Variants in PRDM16 observed in about 807,000 individuals in gnomAD.
PRDM16 encodes histone-lysine N-methyltransferase PRDM16.
A neutral mutation model predicts 110.6 loss-of-function variants in PRDM16; 23 were observed. The ratio of observed to expected loss-of-function variants is 0.21; its 90% CI spans 0.15 to 0.29. The LOEUF (loss-of-function observed/expected upper bound fraction) is 0.29, where lower values mean the gene tolerates loss of function less well. Ranked by LOEUF, PRDM16 falls within the 10% of genes least tolerant of loss-of-function variation. PRDM16 has a pLI of 1.00. For synonymous variants in PRDM16, 799 were observed against 781.8 expected, an observed-to-expected ratio of 1.02 and a Z score of -0.37; for missense variants, 1,615 against 1,794.3, an observed-to-expected ratio of 0.90 and a Z score of 1.81.
At chr1:3,310,430 A>G (rs534911249) in intron 3 of PRDM16, among the ~76,000 whole-genome samples, 2 of 152,284 alleles carry the variant, frequency 1.3e-5, no homozygotes, top group African/African-American at 4.8e-5. Flanking sequence ...CGGAAACCGT[A>G]GTCCCTGTGC....
chr1:3,181,085 CGGCCTT>C (rs1644156298), intron 1 of PRDM16, among the ~76,000 whole-genome samples: 4 of 142,336 alleles, frequency 2.8e-5, no homozygotes, highest in Admixed American at 1.4e-4. Flanking sequence ...GTCTTACACA[CGGCCTT>C]ACACACGCAG....
At chr1:3,410,704 T>C (rs1207134711) in intron 8 of PRDM16, among the ~76,000 whole-genome samples, 1 of 152,172 alleles carries the variant, frequency 6.6e-6, no homozygotes, top group African/African-American at 2.4e-5. Flanking sequence ...AGGCACAGTC[T>C]GCGTGGTCAG....
chr1:3,369,758 C>T (rs1261544046), intron 3 of PRDM16, among the ~76,000 whole-genome samples: 1 of 152,224 alleles, frequency 6.6e-6, no homozygotes, highest in Admixed American at 6.5e-5. Context: ...GGGCCTAGTC[C>T]GGGAAGAAAC....
rs1486335994 is a variant in PRDM16, at chr1:3,411,604, G to A, written c.1407G>A (p.Met469Ile). Residue 469 changes from methionine to isoleucine, a missense_variant, in exon 9 of 17, where the codon ATG becomes ATA. Around this residue, in one of 5 missense-constraint regions of PRDM16, gnomAD observed 772 missense variants for 748.3 expected, o/e 1.03. Transcript: ENST00000270722. ...PGLPLTPSPMMDKAKPSPSLN... is the reference protein window; with the variant it reads ...PGLPLTPSPMIDKAKPSPSLN... ...TGCCCTTGACCCCCAGCCCCATGAT[G>A]GACAAGGCAAAACCCTCCCCCAGCC... The A allele has an allele frequency of 4.3e-6, 7 of 1,613,830 alleles. No individual in the cohort carries two copies. In the South Asian group the frequency reaches 7.7e-5, roughly 18 times the overall value.
At chr1:3,386,488 C>T (rs1643201510) in intron 4 of PRDM16, among the ~76,000 whole-genome samples, 1 of 152,196 alleles carries the variant, frequency 6.6e-6, no homozygotes, top group Admixed American at 6.5e-5. Flanking sequence ...AGCAGTTGCT[C>T]CGCTGGACAA....
In PRDM16 at chr1:3,223,278, G is replaced by T. The variant is rs542692706; in HGVS notation, c.388-20809G>T. Among the ~76,000 whole-genome samples the T allele has an allele frequency of 1.4e-4, 21 of 152,100 alleles. No homozygotes were observed. In the South Asian group the frequency reaches 3.5e-3, roughly 26 times the overall value. ...AGTTTTAACTAGGGCGCGGCTCATCGCAGTGTTGATTACGGAGTTGCTATC... is the reference window on the plus strand; with the variant it reads ...AGTTTTAACTAGGGCGCGGCTCATCTCAGTGTTGATTACGGAGTTGCTATC... On this transcript the variant is annotated intron_variant, in intron 2 of 16. Transcript: ENST00000270722.
At chr1:3,389,608 C>T (rs900430981) in intron 4 of PRDM16, among the ~76,000 whole-genome samples, 1 of 152,328 alleles carries the variant, frequency 6.6e-6, no homozygotes, top group Middle Eastern at 3.4e-3. Flanking sequence ...GTTCCTGGGC[C>T]CGGCCCTGTT....
intron 1 of PRDM16, among the ~76,000 whole-genome samples, chr1:3,134,092 C>A (rs1643388387): frequency 6.6e-6 from 1 of 152,194 alleles, no homozygotes; most frequent in Admixed American, 6.5e-5. Context: ...GGGTTCAGAA[C>A]CGTCCAGCTG....
At chr1:3,360,728 G>A (rs1388746592) in intron 3 of PRDM16, among the ~76,000 whole-genome samples, 1 of 152,220 alleles carries the variant, frequency 6.6e-6, no homozygotes, top group Non-Finnish European at 1.5e-5. Context: ...GGCCCAGCAC[G>A]CCCATCGGGA....
rs769500141 is a variant in PRDM16 at position 3,246,455 on chromosome 1, C to T, written c.438+2318C>T. Among the ~76,000 whole-genome samples the T allele has an allele frequency of 3.3e-5, 5 of 152,202 alleles. No homozygotes were observed. The highest frequency in any genetic ancestry group is 5.9e-5 in the Non-Finnish European group (4 of 68,034). On this transcript the variant is annotated intron_variant, in intron 3 of 16. Coordinates refer to ENST00000270722, the MANE Select transcript of PRDM16 (RefSeq NM_022114.4). The surrounding 1 kb of genome is among the most constrained non-coding windows in gnomAD (Gnocchi z 5.2). ...ACCGCCGCGACTGCAGGGAGCTCAG[C>T]GCAGGGTACCAGAGCCAGCATCGGG...
At chr1:3,146,344 A>G (rs917691585) in intron 1 of PRDM16, among the ~76,000 whole-genome samples, 1 of 152,248 alleles carries the variant, frequency 6.6e-6, no homozygotes, top group African/African-American at 2.4e-5. Flanking sequence ...AATCATATAA[A>G]CCGTTCACAA....
At chr1:3,248,051 G>A (rs1639833174) in intron 3 of PRDM16, among the ~76,000 whole-genome samples, 1 of 152,274 alleles carries the variant, frequency 6.6e-6, no homozygotes, top group Admixed American at 6.5e-5. Context: ...AGGCTTTGGG[G>A]ACGAATCAAG....
At position 3,383,161 on chromosome 1, in the gene PRDM16, C is replaced by G. The variant is rs184129580; in HGVS notation, c.439-1991C>G. Among the ~76,000 whole-genome samples, 413 of 152,342 alleles carry G rather than the reference C, an allele frequency of 2.7e-3. 2 individuals carry two copies. Among genetic ancestry groups the G allele is most frequent in the African/African-American group, 9.1e-3 (380 of 41,582 alleles). On this transcript the variant is annotated intron_variant, in intron 3 of 16. Coordinates refer to ENST00000270722, the MANE Select transcript of PRDM16 (RefSeq NM_022114.4). ...GAGCAGAGCAGCCACAGCCCACGAGCTTGGGAGCATTTCTGCCGCTGCCGT... is the reference window on the plus strand; with the variant it reads ...GAGCAGAGCAGCCACAGCCCACGAGGTTGGGAGCATTTCTGCCGCTGCCGT...
intron 14 of PRDM16, among the ~76,000 whole-genome samples, chr1:3,428,806 C>T (rs1021977691): frequency 6.6e-6 from 1 of 152,234 alleles, no homozygotes; most frequent in Non-Finnish European, 1.5e-5. Flanking sequence ...ATGGGACTCT[C>T]TTAGGAGATA....
At chr1:3,323,095 T>A (rs1641799428) in intron 3 of PRDM16, among the ~76,000 whole-genome samples, 1 of 152,150 alleles carries the variant, frequency 6.6e-6, no homozygotes, top group Non-Finnish European at 1.5e-5. Context: ...CTGTCGCTAG[T>A]GTACTGTGTG....
At chr1:3,311,396 C>T (rs117823241) in intron 3 of PRDM16, among the ~76,000 whole-genome samples, 11 of 152,280 alleles carry the variant, frequency 7.2e-5, no homozygotes, top group South Asian at 4.1e-4. Flanking sequence ...GAAACCTGCC[C>T]GTGCATTGGT....
intron 3 of PRDM16, among the ~76,000 whole-genome samples, chr1:3,275,415 C>T (rs1051057066): frequency 1.3e-5 from 2 of 152,232 alleles, no homozygotes; most frequent in South Asian, 4.1e-4. Context: ...CCCCTCTGCC[C>T]ACCCCTACCC....
chr1:3,400,549 G>A (rs1557653402), intron 5 of PRDM16, among the ~76,000 whole-genome samples: 1 of 152,240 alleles, frequency 6.6e-6, no homozygotes, highest in East Asian at 1.9e-4. Flanking sequence ...TGTTCAGTGA[G>A]TGAACAAACT....
rs1642535318 is a variant in PRDM16, at chr1:3,353,516, G to C, written c.439-31636G>C. Among the ~76,000 whole-genome samples, 1 of 152,202 alleles carries C rather than the reference G, an allele frequency of 6.6e-6. No individual in the cohort carries two copies. The highest frequency in any genetic ancestry group is 2.1e-4 in the South Asian group (1 of 4,828). On this transcript the variant is annotated intron_variant, in intron 3 of 16. Coordinates refer to ENST00000270722, the MANE Select transcript of PRDM16 (RefSeq NM_022114.4). This position sits in a 1 kb window ranked among gnomAD's most constrained non-coding sequence, Gnocchi z 5.4. ...AGGCACCTGGGCCATGGGAGCCCAA[G>C]GGTGGCTCCCTCGGGCCACCCCGTT...
Sources: gnomAD v4.1 joint callset for allele counts (sites outside exome capture counted in the v4.1 genomes callset) on GRCh38, gnomAD v4.1.1 for gene constraint, gnomAD v4.1.1 regional missense constraint, Gnocchi (gnomAD v3.1) non-coding constraint, MANE v1.5 for transcripts, NCBI Gene and HGNC (gene_info 2026-07-23, HGNC 2026-07-21) for gene names.